The following GRIK3 variants were observed in gnomAD, a reference collection of about 807,000 sequenced individuals.
The protein encoded by GRIK3 is glutamate ionotropic receptor kainate type subunit 3, also known as glutamate receptor ionotropic, kainate 3.
In GRIK3, 29 loss-of-function variants were observed where a neutral mutation model predicts 102.5. The observed-to-expected ratio is 0.28, with a 90% CI of 0.21 to 0.39. The LOEUF (loss-of-function observed/expected upper bound fraction) is 0.39, where lower values mean the gene tolerates loss of function less well. Ranked by LOEUF, GRIK3 falls within the 10% of genes least tolerant of loss-of-function variation. The pLI, the probability that GRIK3 is intolerant of heterozygous loss-of-function variation, is 1.00. For synonymous variants in GRIK3, 511 were observed against 504.9 expected (o/e 1.01, Z -0.16); for missense variants, 908 against 1,252.4 (o/e 0.73, Z 4.15).
At chr1:36,851,875 C>A (rs1640590090) in intron 8 of GRIK3, among the ~76,000 whole-genome samples, 1 of 152,174 alleles carries the variant, frequency 6.6e-6, no homozygotes, top group Non-Finnish European at 1.5e-5. Flanking sequence ...ATTATTGATG[C>A]CTTTTATGGC....
At chr1:36,945,186 T>C (rs1641768941) in intron 1 of GRIK3, among the ~76,000 whole-genome samples, 1 of 152,282 alleles carries the variant, frequency 6.6e-6, no homozygotes, top group Non-Finnish European at 1.5e-5. Flanking sequence ...TTTAATGATC[T>C]AAGTGGAACA....
At chr1:36,988,026 C>T (rs1642324747) in intron 1 of GRIK3, among the ~76,000 whole-genome samples, 1 of 152,154 alleles carries the variant, frequency 6.6e-6, no homozygotes, top group Non-Finnish European at 1.5e-5. Flanking sequence ...TATGGTGGCT[C>T]ATGCCTGTAA....
intron 1 of GRIK3, among the ~76,000 whole-genome samples, chr1:37,006,211 A>G (rs1642531570): frequency 6.6e-6 from 1 of 152,192 alleles, no homozygotes; most frequent in African/African-American, 2.4e-5. Context: ...AGAGCCATGT[A>G]TGAATCCTAG....
intron 1 of GRIK3, among the ~76,000 whole-genome samples, chr1:36,914,679 G>C (rs1281567206): frequency 1.3e-5 from 2 of 152,198 alleles, no homozygotes; most frequent in African/African-American, 4.8e-5. Flanking sequence ...CACACAAGAA[G>C]AATAAGAAAG....
At chr1:37,028,355 C>T (rs1054670968) in intron 1 of GRIK3, among the ~76,000 whole-genome samples, 10 of 152,022 alleles carry the variant, frequency 6.6e-5, no homozygotes, top group Non-Finnish European at 1.2e-4. Flanking sequence ...AGGGTGAGTC[C>T]GTCCTTTATT....
chr1:36,957,929 C>T (rs1326114640), intron 1 of GRIK3, among the ~76,000 whole-genome samples: 1 of 80,004 alleles, frequency 1.2e-5, no homozygotes, highest in Non-Finnish European at 2.3e-5. Context: ...AGCCTGTGTG[C>T]CCCATGAGCC....
At chr1:37,018,636 T>C (rs534131) in intron 1 of GRIK3, among the ~76,000 whole-genome samples, 75,620 of 151,846 alleles carry the variant, frequency 0.5, 19,309 homozygotes, top group African/African-American at 0.61. Flanking sequence ...CCTCCTTAAC[T>C]GCAGGCCTCA....
intron 15 of GRIK3, 43 bp from the exon 16 acceptor site, chr1:36,802,088 G>A (rs764096118): frequency 7.1e-7 from 1 of 1,401,836 alleles, no homozygotes; most frequent in East Asian, 2.3e-5. Flanking sequence ...GGGGCACAGA[G>A]TGATGCCCGG....
chr1:36,881,775 T>A (rs1640981064), intron 2 of GRIK3, among the ~76,000 whole-genome samples: 1 of 152,156 alleles, frequency 6.6e-6, no homozygotes, highest in Admixed American at 6.5e-5. Context: ...AAAGCCAAAG[T>A]CATAGCAGTG....
intron 1 of GRIK3, among the ~76,000 whole-genome samples, chr1:37,031,798 C>G (rs1048522837): frequency 5.3e-5 from 8 of 152,230 alleles, no homozygotes; most frequent in Non-Finnish European, 8.8e-5. Context: ...CTCGCTCGCT[C>G]GCTCTTTCTG....
At position 36,929,597 on chromosome 1, in the gene GRIK3, C is replaced by T. The variant is rs562572447; in HGVS notation, c.116-38501G>A. Among the ~76,000 whole-genome samples, 247 of 152,228 alleles carry T rather than the reference C, an allele frequency of 1.6e-3. 2 individuals are homozygous for T. Among genetic ancestry groups the T allele is most frequent in the Non-Finnish European group, 2.8e-3 (187 of 67,992 alleles). ...CAAAACTAAATAGCTTTCTTTATTTCAGGGATTTTCTAGTTTTTTTCCTCA... is the reference window on the plus strand; with the variant it reads ...CAAAACTAAATAGCTTTCTTTATTTTAGGGATTTTCTAGTTTTTTTCCTCA... On this transcript the variant is annotated intron_variant, in intron 1 of 15. Coordinates refer to ENST00000373091, the MANE Select transcript of GRIK3 (RefSeq NM_000831.4).
intron 1 of GRIK3, among the ~76,000 whole-genome samples, chr1:36,940,591 T>C (rs891849757): frequency 1.3e-5 from 2 of 152,122 alleles, no homozygotes; most frequent in African/African-American, 4.8e-5. Flanking sequence ...ACACTACGAG[T>C]CTTGCTGCAT....
chr1:36,821,455 C>T (rs1259096912), intron 11 of GRIK3, among the ~76,000 whole-genome samples: 2 of 152,180 alleles, frequency 1.3e-5, no homozygotes, highest in South Asian at 2.1e-4. Flanking sequence ...CAGCTCAGTG[C>T]CTGGCTCTGT....
chr1:36,889,402 T>A (rs544129920), intron 2 of GRIK3, among the ~76,000 whole-genome samples: 19 of 151,732 alleles, frequency 1.3e-4, no homozygotes, highest in Non-Finnish European at 2.2e-4. Flanking sequence ...AGGGAGCAGA[T>A]GGTATGGATG....
At chr1:36,838,040 C>T (rs1012692508) in intron 10 of GRIK3, among the ~76,000 whole-genome samples, 32 of 152,174 alleles carry the variant, frequency 2.1e-4, no homozygotes, top group African/African-American at 7.5e-4. Context: ...ACCACCATCA[C>T]ATTTAATCAT....
intron 3 of GRIK3, among the ~76,000 whole-genome samples, chr1:36,878,583 T>C (rs1222510759): frequency 2.0e-5 from 3 of 152,194 alleles, no homozygotes; most frequent in Admixed American, 6.5e-5. Flanking sequence ...GCCAGATGGG[T>C]TAAGTGACTT....
chr1:37,005,076 C>A (rs1307297126), intron 1 of GRIK3, among the ~76,000 whole-genome samples: 2 of 152,178 alleles, frequency 1.3e-5, no homozygotes, highest in East Asian at 1.9e-4. Context: ...AATGAGAGAA[C>A]CCTCAATTCT....
In GRIK3 at chr1:36,859,360, G is replaced by A. The variant is rs945705387; in HGVS notation, c.961-109C>T. The A allele has an allele frequency of 9.0e-6, 11 of 1,227,064 alleles. No homozygotes were observed. In the African/African-American group the frequency reaches 1.7e-4, roughly 19 times the overall value. 76.0% of individuals were successfully genotyped at this position (1,227,064 alleles called of 1,614,324 possible). ...TGCCACAGGTACATGATGTCCTGGT[G>A]AGCGAACAGGCCCAGAGGCCCTGGA... On this transcript the variant is annotated intron_variant, in intron 6 of 15. Transcript: ENST00000373091.
At chr1:36,971,702 C>T (rs572211789) in intron 1 of GRIK3, among the ~76,000 whole-genome samples, 2 of 152,256 alleles carry the variant, frequency 1.3e-5, no homozygotes, top group African/African-American at 2.4e-5. Flanking sequence ...GGGTGGCCTT[C>T]GGCAGCTCTG....
Sources: allele counts gnomAD v4.1 joint callset (sites outside exome capture counted in the v4.1 genomes callset), GRCh38; gene constraint gnomAD v4.1.1; transcripts MANE v1.5; gene names NCBI Gene and HGNC (gene_info 2026-07-23, HGNC 2026-07-21).